Variants in METAP1D observed in about 807,000 individuals in gnomAD.
METAP1D encodes methionyl aminopeptidase type 1D, mitochondrial.
METAP1D carries 31 observed loss-of-function variants against 40.5 expected under a neutral mutation model. The ratio of observed to expected loss-of-function variants is 0.77; its 90% confidence interval spans 0.58 to 1.03. The LOEUF (loss-of-function observed/expected upper bound fraction) is 1.03. METAP1D is among the 50% of genes least tolerant of loss of function. The probability of loss-of-function intolerance (pLI) is 0.00; values close to 1 mark genes in which losing one functional copy is unlikely to be tolerated. For synonymous variants in METAP1D, 151 were observed against 146.4 expected (o/e 1.03, Z -0.22); for missense variants, 411 against 420.7 (o/e 0.98, Z 0.20).
chr2:172,026,166 C>G (rs1474077708), intron 1 of METAP1D, among the ~76,000 whole-genome samples: 2 of 152,094 alleles, frequency 1.3e-5, no homozygotes, highest in African/African-American at 4.8e-5. Context: ...TTCCTTCTCT[C>G]TCTGTTTTTC....
chr2:172,078,022 A>C, intron 7 of METAP1D, 128 bp downstream of exon 7: 18 of 197,242 alleles, frequency 9.1e-5, no homozygotes, highest in East Asian at 1.5e-4. Context: ...GTTTATGTGC[A>C]GGGGGCAGGG....
chr2:172,026,283 CT>C (rs1689119350), intron 1 of METAP1D, among the ~76,000 whole-genome samples: 1 of 151,880 alleles, frequency 6.6e-6, no homozygotes, highest in African/African-American at 2.4e-5. Context: ...TTTTTTTCCC[CT>C]CCTGTTTCCT....
In METAP1D at chr2:172,016,303, ATATAT is replaced by A. The variant is rs1688861523; in HGVS notation, c.40+16295_40+16299del. Among the ~76,000 whole-genome samples the A allele has an allele frequency of 7.3e-3, 487 of 66,640 alleles. 2 individuals carry two copies. Among genetic ancestry groups the A allele is most frequent in the Non-Finnish European group, 0.012 (391 of 32,358 alleles). 43.7% of individuals were successfully genotyped at this position (66,640 alleles called of 152,430 possible). On this transcript the variant is annotated intron_variant, in intron 1 of 9. Transcript: ENST00000315796. ...AAAAAAAAAAAAAAAAAAAAAAAAT[ATATAT>A]ATATATATATATATATATATATAAA...
At chr2:172,077,961 G>C in intron 7 of METAP1D, 67 bp downstream of exon 7, 1 of 828,658 alleles carries the variant, frequency 1.2e-6, no homozygotes, top group Non-Finnish European at 2.0e-6. Context: ...TGACCCTGAA[G>C]CTCTTCCTCT....
intron 1 of METAP1D, among the ~76,000 whole-genome samples, chr2:172,022,828 T>A (rs1689035749): frequency 6.6e-6 from 1 of 152,182 alleles, no homozygotes; most frequent in Non-Finnish European, 1.5e-5. Flanking sequence ...TAAATGTATT[T>A]ATGGTTCTTT....
At position 172,026,560 on chromosome 2, in the gene METAP1D, C is replaced by A. The variant is rs117785323; in HGVS notation, c.40+26551C>A. On this transcript the variant is annotated intron_variant, in intron 1 of 9. Transcript: ENST00000315796. ...GTTTTTTCTTTTCTAAGTTAGACTT[C>A]TAGAGCTTTCACAGATTTCACAGTG... 2.4e-3 allele frequency among the ~76,000 whole-genome samples: 368 copies of A among 152,318 alleles called. 5 individuals are homozygous for A. The East Asian group carries it at 0.037, about 15-fold the overall frequency.
chr2:172,080,058 T>C, intron 8 of METAP1D, 70 bp from the exon 9 acceptor site: 5 of 1,388,902 alleles, frequency 3.6e-6, no homozygotes, highest in Non-Finnish European at 5.0e-6. Context: ...TCTTTTTTAA[T>C]AATCAGCCGG....
rs1468881163 is a variant in METAP1D, at chr2:172,038,636, A to C, written c.41-22862A>C. ...TTACCCACCCTCCTAAAACATTGAA[A>C]TATATTCATGTAGCTACCTGAACCA... On this transcript the variant is annotated intron_variant, in intron 1 of 9. Transcript: ENST00000315796. Among the ~76,000 whole-genome samples the C allele has an allele frequency of 2.6e-5, 4 of 152,332 alleles. No homozygotes were observed. The South Asian group carries it at 6.2e-4, about 24-fold the overall frequency.
intron 1 of METAP1D, among the ~76,000 whole-genome samples, chr2:172,013,767 C>T (rs937198084): frequency 6.6e-6 from 1 of 151,846 alleles, no homozygotes; most frequent in South Asian, 2.1e-4. Context: ...TCTGATGAAG[C>T]ATTTTTTCCA....
chr2:172,005,039 C>T (rs545766800), intron 1 of METAP1D, among the ~76,000 whole-genome samples: 1 of 152,166 alleles, frequency 6.6e-6, no homozygotes, highest in African/African-American at 2.4e-5. Context: ...CCTCCCACCT[C>T]AACCTCCTGA....
Position 172,080,378 on chromosome 2 carries a change from T to C in METAP1D, c.980T>C (p.Ile327Thr). 6.2e-7 allele frequency: 1 copy of C among 1,614,014 alleles called. No homozygotes were observed. The highest frequency in any genetic ancestry group is 2.2e-5 in the East Asian group (1 of 44,892). Residue 327 changes from isoleucine (I) to threonine (T), a missense_variant, in exon 10 of 10, where the codon ATC (isoleucine) becomes ACC (threonine). By Grantham distance (89) the Ile-to-Thr change is moderately conservative (BLOSUM62 -1). Coordinates refer to ENST00000315796, the MANE Select transcript of METAP1D (RefSeq NM_199227.3). Reference sequence around the variant, plus strand: ...CTGATCACGTCGAGGGGCGCGCAGATCCTGACCAAACTACCCCATGAGGCC... The same window carrying C: ...CTGATCACGTCGAGGGGCGCGCAGACCCTGACCAAACTACCCCATGAGGCC... ...TVLITSRGAQ[I>T]LTKLPHEA
intron 1 of METAP1D, among the ~76,000 whole-genome samples, chr2:172,054,671 C>T (rs1251634458): frequency 6.6e-6 from 1 of 152,020 alleles, no homozygotes; most frequent in Non-Finnish European, 1.5e-5. Context: ...ATATTTAAAA[C>T]CATAACCTAG....
chr2:172,077,141 CTAG>C, intron 6 of METAP1D, among the ~76,000 whole-genome samples: 1 of 152,260 alleles, frequency 6.6e-6, no homozygotes, highest in East Asian at 1.9e-4. Flanking sequence ...CTTAAGCATC[CTAG>C]TGATTAAAAA....
intron 1 of METAP1D, among the ~76,000 whole-genome samples, chr2:172,046,157 A>G (rs570657136): frequency 1.3e-4 from 19 of 151,596 alleles, no homozygotes; most frequent in Middle Eastern, 3.4e-3. Context: ...AAATGATGAA[A>G]CATATGTTCA....
intron 1 of METAP1D, among the ~76,000 whole-genome samples, chr2:172,015,821 T>A (rs1688839563): frequency 6.6e-6 from 1 of 151,556 alleles, no homozygotes; most frequent in Admixed American, 6.6e-5. Context: ...ATTAGCTGGG[T>A]ATGGTGGCAT....
At chr2:172,070,609 C>G (rs368528073) in intron 5 of METAP1D, 1 of 155,460 alleles carries the variant, frequency 6.4e-6, no homozygotes, top group African/African-American at 2.4e-5. Flanking sequence ...ATAATTTTGT[C>G]TTCTCAGAAA....
chr2:172,048,170 A>G (rs1689803680), intron 1 of METAP1D, among the ~76,000 whole-genome samples: 1 of 152,100 alleles, frequency 6.6e-6, no homozygotes, highest in South Asian at 2.1e-4. Flanking sequence ...AGTGCTTTGG[A>G]TGGTGTCACT....
chr2:172,065,098 C>G (rs1160356408), intron 3 of METAP1D, among the ~76,000 whole-genome samples: 2 of 152,176 alleles, frequency 1.3e-5, no homozygotes, highest in African/African-American at 4.8e-5. Context: ...TAGACTCACT[C>G]TTTTAAATAT....
chr2:172,016,912 C>T (rs1390664390), intron 1 of METAP1D, among the ~76,000 whole-genome samples: 1 of 151,992 alleles, frequency 6.6e-6, no homozygotes, highest in Non-Finnish European at 1.5e-5. Flanking sequence ...CCCAGCTCTT[C>T]ATCTGGCTAA....
Sources: gnomAD v4.1 joint callset for allele counts (sites outside exome capture counted in the v4.1 genomes callset) on GRCh38, gnomAD v4.1.1 for gene constraint, MANE v1.5 for transcripts, NCBI Gene and HGNC (gene_info 2026-07-23, HGNC 2026-07-21) for gene names.